KCNN3: variants seen among roughly 807,000 people sequenced by gnomAD.
The protein encoded by KCNN3 is small conductance calcium-activated potassium channel protein 3.
KCNN3 carries 16 observed loss-of-function variants against 62.9 expected under a neutral mutation model. That is an observed-to-expected ratio of 0.25 (90% CI 0.17 to 0.39). KCNN3 has a LOEUF of 0.39. Ranked by LOEUF, KCNN3 falls within the 10% of genes least tolerant of loss-of-function variation. The probability of loss-of-function intolerance (pLI) is 1.00; values close to 1 mark genes in which losing one functional copy is unlikely to be tolerated. For synonymous variants in KCNN3, 370 were observed against 389.2 expected, an observed-to-expected ratio of 0.95 and a Z score of 0.58; for missense variants, 599 against 949.4, an observed-to-expected ratio of 0.63 and a Z score of 4.85.
At chr1:154,760,844 AG>A (rs1647972938) in intron 3 of KCNN3, among the ~76,000 whole-genome samples, 1 of 133,250 alleles carries the variant, frequency 7.5e-6, no homozygotes, top group African/African-American at 2.9e-5. Flanking sequence ...GCTCCAAGGG[AG>A]GCGCGCGCCC....
chr1:154,729,447 A>G (rs1018010675), intron 4 of KCNN3, among the ~76,000 whole-genome samples: 5 of 152,088 alleles, frequency 3.3e-5, no homozygotes, highest in African/African-American at 9.7e-5. Context: ...GAACACGCCT[A>G]ACTCTAGAGA....
At chr1:154,829,637 T>A (rs1007968453) in intron 1 of KCNN3, among the ~76,000 whole-genome samples, 1 of 152,130 alleles carries the variant, frequency 6.6e-6, no homozygotes, top group Non-Finnish European at 1.5e-5. Context: ...CTGACCCGCA[T>A]CAGGATGCGG....
intron 1 of KCNN3, among the ~76,000 whole-genome samples, chr1:154,864,709 T>C (rs1652887878): frequency 6.6e-6 from 1 of 152,144 alleles, no homozygotes. Context: ...CCAACTCCTC[T>C]CTGCCACCTG....
intron 2 of KCNN3, among the ~76,000 whole-genome samples, chr1:154,795,170 G>A (rs1429796713): frequency 1.3e-5 from 2 of 152,142 alleles, no homozygotes; most frequent in Non-Finnish European, 1.5e-5. Context: ...CATGCCCGTC[G>A]CCCAGCCCCT....
chr1:154,798,673 C>T, intron 2 of KCNN3, among the ~76,000 whole-genome samples: 1 of 152,228 alleles, frequency 6.6e-6, no homozygotes, highest in East Asian at 1.9e-4. Context: ...CACAAGCATT[C>T]TCTGGTTTTG....
intron 2 of KCNN3, among the ~76,000 whole-genome samples, chr1:154,804,159 G>A (rs1049467346): frequency 1.3e-5 from 2 of 152,188 alleles, no homozygotes; most frequent in African/African-American, 2.4e-5. Flanking sequence ...CTTGGAGAAA[G>A]CCACCCCGTT....
At chr1:154,806,450 A>G (rs927575207) in intron 2 of KCNN3, among the ~76,000 whole-genome samples, 1 of 152,230 alleles carries the variant, frequency 6.6e-6, no homozygotes, top group African/African-American at 2.4e-5. Context: ...GGCCAGCATT[A>G]TGACCTGTTT....
chr1:154,791,685 C>T (rs1209720090), intron 2 of KCNN3, among the ~76,000 whole-genome samples: 8 of 152,184 alleles, frequency 5.3e-5, no homozygotes, highest in Non-Finnish European at 1.0e-4. Flanking sequence ...TAGCTTGAAG[C>T]CCTGTCCAAC....
intron 1 of KCNN3, among the ~76,000 whole-genome samples, chr1:154,824,394 C>T (rs770258539): frequency 1.2e-4 from 19 of 152,224 alleles, no homozygotes; most frequent in Non-Finnish European, 2.8e-4. Context: ...GAACACAGTG[C>T]TGGCCCTCAA....
At position 154,859,660 on chromosome 1, in the gene KCNN3, C is replaced by T. The variant is rs765374663; in HGVS notation, c.933+9372G>A. 1.9e-6 allele frequency: 3 copies of T among 1,607,058 alleles called. No individual in the cohort carries two copies. In the African/African-American group the frequency reaches 4.0e-5, roughly 21 times the overall value. ...GGCAACAGGTCATCTGCTTCCTCCT[C>T]CCTACCTACTGGGTAACCTGGGCAG... On this transcript the variant is annotated intron_variant, in intron 1 of 7. Coordinates refer to ENST00000271915, the MANE Select transcript of KCNN3 (RefSeq NM_002249.6).
Position 154,772,181 on chromosome 1 carries a change from G to A in KCNN3, c.1242C>T (p.Arg414=), listed in dbSNP as rs765730337. Residue 414 remains arginine (R), a synonymous_variant, in exon 3 of 8, where the codon CGC becomes CGT. Coordinates refer to ENST00000271915, the MANE Select transcript of KCNN3 (RefSeq NM_002249.6). This position sits in a 1 kb window ranked among gnomAD's most constrained non-coding sequence, Gnocchi z 5.6. ...DIILSIPMFL[R]LYLIARVMLL... ...GCATGACTCGGGCGATCAGGTACAG[G>A]CGCAGGAACATGGGGATAGACAGGA... 1 of 1,614,228 alleles carries A rather than the reference G, an allele frequency of 6.2e-7. No homozygotes were observed. Among genetic ancestry groups the A allele is most frequent in the Non-Finnish European group, 8.5e-7 (1 of 1,180,044 alleles).
intron 2 of KCNN3, among the ~76,000 whole-genome samples, chr1:154,780,805 C>T (rs1649010613): frequency 6.6e-6 from 1 of 151,940 alleles, no homozygotes; most frequent in African/African-American, 2.4e-5. Flanking sequence ...TCAGCAAATG[C>T]TCCATGGAAC....
chr1:154,773,965 C>A (rs77766535), intron 2 of KCNN3, among the ~76,000 whole-genome samples: 10,752 of 152,252 alleles, frequency 0.071, 431 homozygotes, highest in Non-Finnish European at 0.098. Context: ...GTGTTCACGG[C>A]ACGGACTCTG....
At chr1:154,731,239 C>T (rs1431885604) in intron 4 of KCNN3, among the ~76,000 whole-genome samples, 2 of 152,228 alleles carry the variant, frequency 1.3e-5, no homozygotes, top group East Asian at 1.9e-4. Context: ...CGTCTTTCCC[C>T]GGTTTCCTCG....
intron 2 of KCNN3, among the ~76,000 whole-genome samples, chr1:154,805,067 A>G (rs1650113343): frequency 6.6e-6 from 1 of 152,244 alleles, no homozygotes; most frequent in Non-Finnish European, 1.5e-5. Context: ...CAGAGGAGAG[A>G]ATATGCCCCA....
chr1:154,806,946 G>A (rs997115069), intron 2 of KCNN3, among the ~76,000 whole-genome samples: 7 of 152,076 alleles, frequency 4.6e-5, no homozygotes, highest in Non-Finnish European at 5.9e-5. Context: ...TCCCAGCCCC[G>A]GGAACTAAAT....
intron 2 of KCNN3, among the ~76,000 whole-genome samples, chr1:154,807,502 C>T (rs1000595759): frequency 4.6e-5 from 7 of 152,156 alleles, no homozygotes; most frequent in Non-Finnish European, 1.0e-4. Flanking sequence ...TAGAAGCCTG[C>T]TCTGGGATGG....
chr1:154,818,939 G>T (rs1294297840), intron 2 of KCNN3, among the ~76,000 whole-genome samples: 1 of 152,232 alleles, frequency 6.6e-6, no homozygotes, highest in African/African-American at 2.4e-5. Context: ...GGCTGGGGAA[G>T]ACGGGGACAT....
At chr1:154,794,737 G>A (rs1330194591) in intron 2 of KCNN3, among the ~76,000 whole-genome samples, 1 of 152,174 alleles carries the variant, frequency 6.6e-6, no homozygotes, top group African/African-American at 2.4e-5. Flanking sequence ...TATGCCTGAG[G>A]CTAGGCATTG....
Sources: allele counts gnomAD v4.1 joint callset (sites outside exome capture counted in the v4.1 genomes callset), GRCh38; gene constraint gnomAD v4.1.1; non-coding constraint Gnocchi (gnomAD v3.1); transcripts MANE v1.5; gene names NCBI Gene and HGNC (gene_info 2026-07-23, HGNC 2026-07-21).